The following POLD1 variants were observed in gnomAD, a reference collection of about 807,000 sequenced individuals.
The protein encoded by POLD1 is DNA polymerase delta 1, catalytic subunit.
POLD1 carries 79 observed loss-of-function variants against 129.7 expected under a neutral mutation model. The observed-to-expected ratio is 0.61, with a 90% CI of 0.51 to 0.73. The LOEUF is 0.73. POLD1 is among the 30% of genes least tolerant of loss of function. The probability of loss-of-function intolerance (pLI) is 0.00; values close to 1 mark genes in which losing one functional copy is unlikely to be tolerated. For missense variants in POLD1, 1,338 were observed against 1,595.8 expected (o/e 0.84, Z 2.75); for synonymous variants, 714 against 683.3 (o/e 1.04, Z -0.70).
chr19:50,415,403 CTT>C lies in POLD1; in HGVS notation c.2565-32_2565-31del, dbSNP rs754367402. 2.0e-4 allele frequency: 313 copies of C among 1,594,530 alleles called. No homozygotes were observed. The highest frequency in any genetic ancestry group is 2.6e-4 in the Non-Finnish European group (301 of 1,167,248). The stretch of plus-strand genomic sequence containing the variant: ...GAGGCACCAGCCTGGCCCTCAGTGC[CTT>C]TTGGTGACGCTGTGCGGCCCGCTCT... On this transcript the variant is annotated intron_variant, in intron 20 of 26. Coordinates refer to ENST00000440232, the MANE Select transcript of POLD1 (RefSeq NM_002691.4).
intron 17 of POLD1, among the ~76,000 whole-genome samples, chr19:50,413,198 G>A (rs2122434120): frequency 6.6e-6 from 1 of 152,324 alleles, no homozygotes; most frequent in South Asian, 2.1e-4. Context: ...CCTTGTGCAT[G>A]TCCAGAACTC....
chr19:50,401,387 ATATATTTTT>A (rs2038612004), intron 3 of POLD1, among the ~76,000 whole-genome samples: 7 of 59,168 alleles, frequency 1.2e-4, no homozygotes, highest in African/African-American at 5.4e-4. Context: ...ATATATATAT[ATATATTTTT>A]TTTTTTTTTT....
At chr19:50,390,709 C>T (rs2038127546) in intron 1 of POLD1, among the ~76,000 whole-genome samples, 1 of 151,980 alleles carries the variant, frequency 6.6e-6, no homozygotes, top group Non-Finnish European at 1.5e-5. Flanking sequence ...TTTTCCTAGG[C>T]AGAGGGCCCT....
chr19:50,394,118 AGT>A (rs1246971913), intron 1 of POLD1: 1 of 152,284 alleles, frequency 6.6e-6, no homozygotes. Flanking sequence ...TGGGGAGCCC[AGT>A]GTTGTCCCTG....
rs2122247250 is a variant in POLD1 at position 50,402,379 on chromosome 19, G to A, written c.758+6G>A. 6.2e-7 allele frequency: 1 copy of A among 1,613,212 alleles called. No individual in the cohort carries two copies. The highest frequency in any genetic ancestry group is 8.5e-7 in the Non-Finnish European group (1 of 1,179,378). On this transcript the variant is annotated splice_donor_region_variant and intron_variant, in intron 6 of 26. Coordinates refer to ENST00000440232, the MANE Select transcript of POLD1 (RefSeq NM_002691.4). ...AACGTCGACTTTGAGATCCGGTACG[G>A]CCTCTGCCTCACTTCTCCGGCCTCT...
At chr19:50,415,376 T>C (rs560334118) in intron 20 of POLD1, 62 bp from the exon 21 acceptor site, 1 of 1,529,966 alleles carries the variant, frequency 6.5e-7, no homozygotes, top group Non-Finnish European at 9.0e-7. Context: ...CTGAGACCCG[T>C]GGAGGCACCA....
At chr19:50,402,863 A>C in intron 8 of POLD1, 122 bp downstream of exon 8, 1 of 1,383,042 alleles carries the variant, frequency 7.2e-7, no homozygotes, top group Non-Finnish European at 9.8e-7. Flanking sequence ...ACCCCAGCCC[A>C]TGTGGCCAGA....
Position 50,406,322 on chromosome 19 carries a change from G to C in POLD1, c.1383G>C (p.Gln461His). The C allele has an allele frequency of 6.2e-7, 1 of 1,613,872 alleles. No homozygotes were observed. Among genetic ancestry groups the C allele is most frequent in the Non-Finnish European group, 8.5e-7 (1 of 1,179,912 alleles). The change falls in exon 11 of 27, where the codon CAG becomes CAC. Residue 461 changes from glutamine (Q) to histidine (H), a missense_variant and splice_region_variant. This residue lies in a region of POLD1 where 720 missense variants were observed against 1,002.6 expected (regional missense o/e 0.72). Coordinates refer to ENST00000440232, the MANE Select transcript of POLD1 (RefSeq NM_002691.4). This position sits in a 1 kb window ranked among gnomAD's most constrained non-coding sequence, Gnocchi z 5.5. ...GCCGCGTGCAGATGGACATGCTGCAGGTATGGGCGGGAGGTGGGGTGTGTC... is the reference window on the plus strand; with the variant it reads ...GCCGCGTGCAGATGGACATGCTGCACGTATGGGCGGGAGGTGGGGTGTGTC... ...MVGRVQMDMLQVLLREYKLRS... is the reference protein window; with the variant it reads ...MVGRVQMDMLHVLLREYKLRS...
At position 50,406,231 on chromosome 19, in the gene POLD1, T is replaced by C. The variant is rs1601215392; in HGVS notation, c.1292T>C (p.Ile431Thr). ...LGRVAGLCSNIRDSSFQSKQT... is the reference protein window; with the variant it reads ...LGRVAGLCSNTRDSSFQSKQT... ...CGTGTGGCCGGCCTTTGCTCCAACA[T>C]CCGGGACTCTTCATTCCAGTCCAAG... Residue 431 changes from isoleucine (I) to threonine (T), a missense_variant, in exon 11 of 27, where the codon ATC (isoleucine) becomes ACC (threonine). Ile to Thr is a moderately conservative substitution (Grantham distance 89). Transcript: ENST00000440232. This position sits in a 1 kb window ranked among gnomAD's most constrained non-coding sequence, Gnocchi z 5.5. 2 of 1,613,874 alleles carry C rather than the reference T, an allele frequency of 1.2e-6. No individual in the cohort carries two copies. The highest frequency in any genetic ancestry group is 1.7e-6 in the Non-Finnish European group (2 of 1,179,944).
Position 50,407,357 on chromosome 19 carries a change from G to C in POLD1, c.1717G>C (p.Val573Leu), listed in dbSNP as rs760616076. The C allele has an allele frequency of 6.2e-7, 1 of 1,613,040 alleles. No homozygotes were observed. Among genetic ancestry groups the C allele is most frequent in the Non-Finnish European group, 8.5e-7 (1 of 1,179,618 alleles). Residue 573 changes from valine (V) to leucine (L), a missense_variant, in exon 14 of 27, where the codon GTG becomes CTG. By Grantham distance (32) the Val-to-Leu change is conservative. This residue lies in a region of POLD1 where 720 missense variants were observed against 1,002.6 expected (regional missense o/e 0.72). Transcript: ENST00000440232. ...GCACGAGGGGCTGCTGATGCCCGTGGTGAAGTCAGAGGGCGGCGAGGACTA... is the reference window on the plus strand; with the variant it reads ...GCACGAGGGGCTGCTGATGCCCGTGCTGAAGTCAGAGGGCGGCGAGGACTA... ...AMHEGLLMPV[V>L]KSEGGEDYTG...
At chr19:50,394,814 C>T (rs1478858473) in intron 1 of POLD1, among the ~76,000 whole-genome samples, 1 of 152,020 alleles carries the variant, frequency 6.6e-6, no homozygotes, top group African/African-American at 2.4e-5. Flanking sequence ...AGCCTGGACC[C>T]TGGGGGACAA....
At chr19:50,416,773 C>A (rs770229711) in intron 24 of POLD1, 50 bp downstream of exon 24, 3 of 1,370,724 alleles carry the variant, frequency 2.2e-6, no homozygotes, top group South Asian at 1.3e-5. Flanking sequence ...CCTGCTCTGC[C>A]GTCACCCCAG....
chr19:50,402,979 T>C, intron 8 of POLD1, 74 bp from the exon 9 acceptor site: 1 of 1,515,428 alleles, frequency 6.6e-7, no homozygotes, highest in Non-Finnish European at 9.0e-7. Context: ...CCCGGGGAGA[T>C]GGCAGGTGCA....
intron 3 of POLD1, among the ~76,000 whole-genome samples, chr19:50,401,391 A>ATATATATTTT (rs1334231607): frequency 2.0e-4 from 13 of 65,990 alleles, no homozygotes; most frequent in African/African-American, 3.4e-4. Flanking sequence ...ATATATATAT[A>ATATATATTTT]TTTTTTTTTT....
chr19:50,392,992 G>T (rs2038223929), intron 1 of POLD1, among the ~76,000 whole-genome samples: 1 of 152,214 alleles, frequency 6.6e-6, no homozygotes, highest in African/African-American at 2.4e-5. Context: ...TATTTAAATA[G>T]CCCCCTGGGG....
chr19:50,394,794 CCT>C (rs1338860537), intron 1 of POLD1, among the ~76,000 whole-genome samples: 2 of 152,114 alleles, frequency 1.3e-5, no homozygotes, highest in Admixed American at 1.3e-4. Flanking sequence ...CCAGTAATCC[CCT>C]CTGTCTCAGC....
At chr19:50,391,389 G>C (rs1477946356) in intron 1 of POLD1, among the ~76,000 whole-genome samples, 1 of 152,164 alleles carries the variant, frequency 6.6e-6, no homozygotes, top group Non-Finnish European at 1.5e-5. Flanking sequence ...TCACGCCACT[G>C]CACTCCAGCC....
rs768368214 is a variant in POLD1, at chr19:50,414,940, C to T, written c.2514C>T (p.Pro838=). ...GLEAVRRDNC[P]LVANLVTASL... ...AGGCCGTGCGCAGGGACAACTGCCC[C>T]CTCGTGGCCAACCTGGTCACTGCCT... The change falls in exon 20 of 27, where the codon CCC becomes CCT. Residue 838 remains proline (P), a synonymous_variant. Coordinates refer to ENST00000440232, the MANE Select transcript of POLD1 (RefSeq NM_002691.4). The T allele has an allele frequency of 1.9e-6, 3 of 1,608,814 alleles. No individual in the cohort carries two copies. Among genetic ancestry groups the T allele is most frequent in the African/African-American group, 2.7e-5 (2 of 74,836 alleles).
At chr19:50,393,221 A>G (rs1248136785) in intron 1 of POLD1, among the ~76,000 whole-genome samples, 1 of 152,048 alleles carries the variant, frequency 6.6e-6, no homozygotes, top group Non-Finnish European at 1.5e-5. Flanking sequence ...AGTGTGTTTT[A>G]TCACCCCAGA....
Sources: allele counts gnomAD v4.1 joint callset (sites outside exome capture counted in the v4.1 genomes callset), GRCh38; gene constraint gnomAD v4.1.1; regional missense constraint gnomAD v4.1.1; non-coding constraint Gnocchi (gnomAD v3.1); transcripts MANE v1.5; gene names NCBI Gene and HGNC (gene_info 2026-07-23, HGNC 2026-07-21).